DLG2: variants seen among roughly 807,000 people sequenced by gnomAD.
DLG2 encodes disks large homolog 2.
DLG2 carries 45 observed loss-of-function variants against 132.5 expected under a neutral mutation model. The observed-to-expected ratio is 0.34, with a 90% confidence interval of 0.27 to 0.44. DLG2 has a LOEUF of 0.44. DLG2 is among the 20% of genes least tolerant of loss of function. The pLI, the probability that DLG2 is intolerant of heterozygous loss-of-function variation, is 1.00. For synonymous variants in DLG2, 424 were observed against 419.6 expected, an observed-to-expected ratio of 1.01 and a Z score of -0.13; for missense variants, 1,045 against 1,196.9, an observed-to-expected ratio of 0.87 and a Z score of 1.87.
rs184425852 is a variant in DLG2 at position 84,970,052 on chromosome 11, G to C, written c.357+141609C>G. ...GGCTAGGAGAGGGATAGTGTTGGGA[G>C]AAATACCTAATGTAGATGATAGCTT... On this transcript the variant is annotated intron_variant, in intron 6 of 27. Coordinates refer to ENST00000376104, the MANE Select transcript of DLG2 (RefSeq NM_001142699.3). 1.0e-3 allele frequency among the ~76,000 whole-genome samples: 159 copies of C among 152,134 alleles called. 1 individual carries two copies. Among genetic ancestry groups the C allele is most frequent in the Middle Eastern group, 3.4e-3 (1 of 294 alleles).
chr11:85,350,707 T>A (rs1246490692), intron 3 of DLG2, among the ~76,000 whole-genome samples: 1 of 152,198 alleles, frequency 6.6e-6, no homozygotes, highest in Non-Finnish European at 1.5e-5. Context: ...TTGTCAAAGA[T>A]CAGATGGTTG....
At chr11:84,089,344 C>T (rs1406632574) in intron 10 of DLG2, among the ~76,000 whole-genome samples, 4 of 152,152 alleles carry the variant, frequency 2.6e-5, no homozygotes, top group South Asian at 4.1e-4. Context: ...GCCTTCATCT[C>T]GTGATGATTA....
chr11:84,897,630 T>C (rs565229257), intron 6 of DLG2, among the ~76,000 whole-genome samples: 3 of 151,998 alleles, frequency 2.0e-5, no homozygotes, highest in Admixed American at 6.6e-5. Context: ...AATATATTCC[T>C]AGAATTTCTA....
At chr11:84,649,020 TGAATTTTTACAAATGACATATA>T (rs776974124) in intron 6 of DLG2, among the ~76,000 whole-genome samples, 2 of 152,206 alleles carry the variant, frequency 1.3e-5, no homozygotes, top group Non-Finnish European at 2.9e-5. Context: ...GAATAAAATG[TGAATTTTTACAAATGACATATA>T]GGGTTTTCCT....
At chr11:83,627,924 T>C (rs2062882097) in intron 19 of DLG2, among the ~76,000 whole-genome samples, 2 of 152,338 alleles carry the variant, frequency 1.3e-5, no homozygotes, top group South Asian at 4.1e-4. Flanking sequence ...TATGAGATGG[T>C]ATCTTATTGT....
chr11:84,068,804 T>TATATA (rs2096715373), intron 10 of DLG2, among the ~76,000 whole-genome samples: 1 of 152,194 alleles, frequency 6.6e-6, no homozygotes, highest in African/African-American at 2.4e-5. Flanking sequence ...TAGTCTTTAA[T>TATATA]GTAAATAGAA....
chr11:84,815,395 A>C (rs1279056271), intron 6 of DLG2, among the ~76,000 whole-genome samples: 1 of 152,032 alleles, frequency 6.6e-6, no homozygotes, highest in Non-Finnish European at 1.5e-5. Flanking sequence ...GGTGTCAGTA[A>C]TATCTGGCTT....
chr11:84,099,078 T>A, intron 9 of DLG2, 31 bp from the exon 10 acceptor site: 23 of 1,604,884 alleles, frequency 1.4e-5, no homozygotes, highest in Non-Finnish European at 1.9e-5. Context: ...TATTAAATGA[T>A]GTGTCTGTCA....
chr11:83,603,046 G>A (rs1052097277), intron 19 of DLG2, among the ~76,000 whole-genome samples: 1 of 151,802 alleles, frequency 6.6e-6, no homozygotes, highest in Non-Finnish European at 1.5e-5. Flanking sequence ...GTGTGTGCAT[G>A]TGTGTGTATG....
At chr11:84,423,538 T>C (rs895055837) in intron 7 of DLG2, among the ~76,000 whole-genome samples, 4 of 152,172 alleles carry the variant, frequency 2.6e-5, no homozygotes, top group African/African-American at 9.7e-5. Flanking sequence ...AAACACATCA[T>C]ATTCATCACA....
chr11:83,845,718 G>A (rs189321233), intron 16 of DLG2, among the ~76,000 whole-genome samples: 118 of 152,294 alleles, frequency 7.7e-4, no homozygotes, highest in Non-Finnish European at 1.6e-3. Context: ...ACTAGAGGGG[G>A]ATGGTATGGG....
intron 11 of DLG2, among the ~76,000 whole-genome samples, chr11:84,039,397 G>C (rs2095988256): frequency 8.2e-6 from 1 of 122,316 alleles, no homozygotes; most frequent in African/African-American, 3.2e-5. Context: ...AGTCCCCAGA[G>C]TGTGATATTC....
At chr11:84,084,268 C>T (rs2096943005) in intron 10 of DLG2, among the ~76,000 whole-genome samples, 1 of 152,184 alleles carries the variant, frequency 6.6e-6, no homozygotes, top group Non-Finnish European at 1.5e-5. Flanking sequence ...ACTGCTGTCG[C>T]TGTGCTGGAA....
chr11:85,056,301 T>G (rs956869664), intron 6 of DLG2, among the ~76,000 whole-genome samples: 10 of 152,012 alleles, frequency 6.6e-5, no homozygotes, highest in Non-Finnish European at 1.3e-4. Flanking sequence ...AGTAGCAAAT[T>G]TCTCCAGAAA....
rs994881105 is a variant in DLG2, at chr11:84,552,339, C to T, written c.358-17608G>A. On this transcript the variant is annotated intron_variant, in intron 6 of 27. Transcript: ENST00000376104. ...TCTCTGCTTCTTCATCTTTTCCCAC[C>T]ACATTCCCCAAAATCTAGAATTTCA... 3.3e-5 allele frequency among the ~76,000 whole-genome samples: 5 copies of T among 152,242 alleles called. No individual in the cohort carries two copies. The East Asian group carries it at 9.7e-4, about 29-fold the overall frequency.
chr11:85,506,340 C>A (rs1007138109), intron 3 of DLG2, among the ~76,000 whole-genome samples: 23 of 152,260 alleles, frequency 1.5e-4, no homozygotes, highest in African/African-American at 5.5e-4. Flanking sequence ...CCTACTTTCT[C>A]TAGTGGGCAT....
intron 13 of DLG2, among the ~76,000 whole-genome samples, chr11:83,963,749 T>G (rs912231070): frequency 3.3e-5 from 5 of 151,974 alleles, no homozygotes; most frequent in Admixed American, 3.3e-4. Context: ...CCCCAACACA[T>G]ATCCTATCAT....
At chr11:83,909,699 G>A (rs1466247838) in intron 15 of DLG2, among the ~76,000 whole-genome samples, 1 of 152,138 alleles carries the variant, frequency 6.6e-6, no homozygotes, top group African/African-American at 2.4e-5. Context: ...AAAAAAGAGA[G>A]ACTTATGCTG....
At chr11:83,700,060 A>G (rs999765423) in intron 18 of DLG2, among the ~76,000 whole-genome samples, 5 of 151,824 alleles carry the variant, frequency 3.3e-5, no homozygotes, top group African/African-American at 1.2e-4. Flanking sequence ...AGGGCAGGAG[A>G]GGAACAAAAG....
Sources: allele counts gnomAD v4.1 joint callset (sites outside exome capture counted in the v4.1 genomes callset), GRCh38; gene constraint gnomAD v4.1.1; transcripts MANE v1.5; gene names NCBI Gene and HGNC (gene_info 2026-07-23, HGNC 2026-07-21).